PM20D2: variants seen among roughly 807,000 people sequenced by gnomAD.
PM20D2 encodes the protein xaa-Arg dipeptidase.
Under a neutral mutation model 42.9 loss-of-function variants are expected in PM20D2, and 33 were observed. The ratio of observed to expected loss-of-function variants is 0.77; its 90% CI spans 0.58 to 1.03. The LOEUF (loss-of-function observed/expected upper bound fraction) is 1.03, where lower values mean the gene tolerates loss of function less well. PM20D2 is among the 50% of genes least tolerant of loss of function. The probability of loss-of-function intolerance (pLI) is 0.00; values close to 1 mark genes in which losing one functional copy is unlikely to be tolerated. For synonymous variants in PM20D2, 250 were observed against 228.2 expected (o/e 1.10, Z -0.86); for missense variants, 548 against 557.0 (o/e 0.98, Z 0.16).
At chr6:89,130,810 C>CTGCTGCTGCTTTTTTT in the PM20D2 span, among the ~76,000 whole-genome samples, 1 of 57,594 alleles carries the variant, frequency 1.7e-5, no homozygotes, top group African/African-American at 6.9e-5. Context: ...TTGTATCTGG[C>CTGCTGCTGCTTTTTTT]TTCTTCTTCT....
chr6:89,160,079 GT>G (rs1771185625), intron 5 of PM20D2, among the ~76,000 whole-genome samples: 2 of 151,636 alleles, frequency 1.3e-5, no homozygotes, highest in Non-Finnish European at 2.9e-5. Flanking sequence ...TTTTTGTTTT[GT>G]TTTGTTTTTA....
chr6:89,099,857 T>G, the PM20D2 span, among the ~76,000 whole-genome samples: 1 of 152,124 alleles, frequency 6.6e-6, no homozygotes, highest in Non-Finnish European at 1.5e-5. Flanking sequence ...ATTGAAAAGC[T>G]ACACAACATT....
At chr6:89,139,738 C>A in the PM20D2 span, among the ~76,000 whole-genome samples, 1 of 152,000 alleles carries the variant, frequency 6.6e-6, no homozygotes, top group African/African-American at 2.4e-5. Flanking sequence ...AAGGGTGGGG[C>A]CCCAGCTGGA....
chr6:89,138,141 C>G, the PM20D2 span, among the ~76,000 whole-genome samples: 1 of 150,806 alleles, frequency 6.6e-6, no homozygotes, highest in South Asian at 2.1e-4. Flanking sequence ...CCAGGCTGGT[C>G]TTAAAACTCC....
At chr6:89,109,964 G>A in the PM20D2 span, among the ~76,000 whole-genome samples, 4 of 152,026 alleles carry the variant, frequency 2.6e-5, no homozygotes, top group African/African-American at 9.7e-5. Context: ...GGTGGCGGGC[G>A]CCTGTAGTCC....
chr6:89,146,402 C>T lies in PM20D2; in HGVS notation c.258C>T (p.Ala86=). ...AGCCGCACTACCAGCTGCCCACGGC[C>T]TTCCGCGCCGAGTGGGAGCCGCCGG... is the stretch of plus-strand genomic sequence containing the variant. ...AVQPHYQLPT[A]FRAEWEPPEA... Residue 86 remains alanine, a synonymous_variant, in exon 1 of 7, where the codon GCC becomes GCT. Transcript: ENST00000275072. 3.9e-6 allele frequency: 6 copies of T among 1,527,666 alleles called. No homozygotes were observed. The highest frequency in any genetic ancestry group is 5.2e-6 in the Non-Finnish European group (6 of 1,144,476). The allele number at this position is 1,527,666 out of a possible 1,614,324, so 94.6% of individuals were successfully genotyped here. A position where few individuals can be genotyped will look rare whatever the true frequency, so the allele number is the denominator to read the frequency against.
the PM20D2 span, among the ~76,000 whole-genome samples, chr6:89,135,984 C>T: frequency 5.3e-5 from 8 of 151,242 alleles, no homozygotes; most frequent in Admixed American, 6.6e-5. Context: ...TGGCCCTGAA[C>T]ATTTACCTGT....
the PM20D2 span, among the ~76,000 whole-genome samples, chr6:89,134,366 A>C: frequency 6.6e-6 from 1 of 151,170 alleles, no homozygotes; most frequent in Non-Finnish European, 1.5e-5. Flanking sequence ...TGAACTATGC[A>C]AACCCCCAGG....
At chr6:89,098,974 T>G in the PM20D2 span, 1 of 1,576,450 alleles carries the variant, frequency 6.3e-7, no homozygotes, top group African/African-American at 1.4e-5. Context: ...TGTTAGAGCA[T>G]ATATTTCACA....
At chr6:89,161,380 C>A (rs956263013) in intron 5 of PM20D2, among the ~76,000 whole-genome samples, 1 of 152,114 alleles carries the variant, frequency 6.6e-6, no homozygotes, top group Non-Finnish European at 1.5e-5. Context: ...AATGGAGTCT[C>A]CCGTAACTAT....
the PM20D2 span, among the ~76,000 whole-genome samples, chr6:89,117,449 GC>G: frequency 6.6e-6 from 1 of 152,222 alleles, no homozygotes; most frequent in Non-Finnish European, 1.5e-5. Flanking sequence ...CGACAAAGGA[GC>G]TGAAACGCGG....
the PM20D2 span, among the ~76,000 whole-genome samples, chr6:89,119,499 A>T: frequency 6.6e-6 from 1 of 152,180 alleles, no homozygotes; most frequent in South Asian, 2.1e-4. Context: ...TTGGAAAATG[A>T]GGCTGGAGAG....
At chr6:89,138,977 T>C in the PM20D2 span, among the ~76,000 whole-genome samples, 393 of 152,358 alleles carry the variant, frequency 2.6e-3, 1 homozygote, top group Non-Finnish European at 4.6e-3. Flanking sequence ...GTAGTTTTAG[T>C]GAAGTCAGGT....
chr6:89,133,608 G>C, the PM20D2 span, among the ~76,000 whole-genome samples: 13 of 151,054 alleles, frequency 8.6e-5, no homozygotes, highest in Non-Finnish European at 1.5e-4. Flanking sequence ...CCACATTCTG[G>C]TCAAAGACAT....
rs753768538 is a variant in PM20D2 at position 89,150,531 on chromosome 6, C to CTTTT, written c.614+1141_614+1144dup. On this transcript the variant is annotated intron_variant, in intron 2 of 6. Transcript: ENST00000275072. The stretch of plus-strand genomic sequence containing the variant: ...TTCTTAGCTTTCTCACTGATCATCT[C>CTTTT]TTTTTTTTTTTTTTTTTTTTTTTTT... Among the ~76,000 whole-genome samples, 41 of 59,418 alleles carry CTTTT rather than the reference C, an allele frequency of 6.9e-4. 7 individuals are homozygous for CTTTT. The highest frequency in any genetic ancestry group is 1.1e-3 in the Non-Finnish European group (35 of 32,034). 39.0% of individuals were successfully genotyped at this position (59,418 alleles called of 152,430 possible).
the PM20D2 span, among the ~76,000 whole-genome samples, chr6:89,126,243 AAGTT>A: frequency 2.0e-5 from 3 of 152,154 alleles, no homozygotes; most frequent in East Asian, 5.8e-4. Context: ...AAAAATTAAA[AAGTT>A]AGCCAGGTGT....
chr6:89,154,603 A>T, intron 3 of PM20D2, 145 bp from the exon 4 acceptor site: 1 of 555,194 alleles, frequency 1.8e-6, no homozygotes. Context: ...CAACATAACA[A>T]AATCTTTGAT....
the PM20D2 span, among the ~76,000 whole-genome samples, chr6:89,129,889 G>A: frequency 9.9e-5 from 15 of 151,672 alleles, no homozygotes; most frequent in South Asian, 1.0e-3. Flanking sequence ...CACCATGCCC[G>A]GCTAATATTA....
At chr6:89,124,618 G>T in the PM20D2 span, among the ~76,000 whole-genome samples, 1,287 of 152,002 alleles carry the variant, frequency 8.5e-3, 19 homozygotes, top group African/African-American at 0.03. Flanking sequence ...GATGAGCAAA[G>T]GGACATTTGT....
Sources: allele counts gnomAD v4.1 joint callset (sites outside exome capture counted in the v4.1 genomes callset), GRCh38; gene constraint gnomAD v4.1.1; transcripts MANE v1.5; gene names NCBI Gene and HGNC (gene_info 2026-07-23, HGNC 2026-07-21).